NTNG1: variants seen among roughly 807,000 people sequenced by gnomAD.
NTNG1 encodes the protein netrin G1.
NTNG1 carries 16 observed loss-of-function variants against 54.0 expected under a neutral mutation model. The observed-to-expected ratio is 0.30, with a 90% CI of 0.20 to 0.45. The LOEUF (loss-of-function observed/expected upper bound fraction) is 0.45, where lower values mean the gene tolerates loss of function less well. NTNG1 is among the 20% of genes least tolerant of loss of function. The pLI, the probability that NTNG1 is intolerant of heterozygous loss-of-function variation, is 1.00. For synonymous variants in NTNG1, 255 were observed against 263.1 expected (o/e 0.97, Z 0.30); for missense variants, 530 against 678.7 (o/e 0.78, Z 2.43).
chr1:107,395,069 G>C lies in NTNG1; in HGVS notation c.888-85G>C. The stretch of plus-strand genomic sequence containing the variant: ...CTGTGTATCACTAAAGCACTGCATG[G>C]TTTGAGGAGACAAATCAGGGAAGCC... On this transcript the variant is annotated intron_variant, in intron 3 of 7. Transcript: ENST00000370068. The C allele has an allele frequency of 7.6e-6, 8 of 1,050,768 alleles. No individual in the cohort carries two copies. The South Asian group carries it at 1.2e-4, about 15-fold the overall frequency. The allele number at this position is 1,050,768 out of a possible 1,614,324, so 65.1% of individuals were successfully genotyped here.
chr1:107,215,119 A>G (rs1659867327), intron 2 of NTNG1, among the ~76,000 whole-genome samples: 1 of 152,130 alleles, frequency 6.6e-6, no homozygotes, highest in Non-Finnish European at 1.5e-5. Context: ...TGCTGTGCAG[A>G]AGCTTTTTAG....
chr1:107,260,189 T>C (rs1295539390), intron 2 of NTNG1, among the ~76,000 whole-genome samples: 1 of 152,234 alleles, frequency 6.6e-6, no homozygotes, highest in African/African-American at 2.4e-5. Flanking sequence ...GATAACATCA[T>C]ATAAAGATGA....
At chr1:107,363,009 C>A (rs1557934256) in intron 3 of NTNG1, among the ~76,000 whole-genome samples, 1 of 152,152 alleles carries the variant, frequency 6.6e-6, no homozygotes, top group Non-Finnish European at 1.5e-5. Context: ...ATACAGAAGG[C>A]TGGCTGACTG....
intron 2 of NTNG1, among the ~76,000 whole-genome samples, chr1:107,188,339 G>T (rs1657628730): frequency 6.6e-6 from 1 of 152,090 alleles, no homozygotes; most frequent in South Asian, 2.1e-4. Flanking sequence ...CATGGCCAGG[G>T]TGTAATGTGT....
At position 107,164,653 on chromosome 1, in the gene NTNG1, T is replaced by C. The variant is rs371420307; in HGVS notation, c.246+15814T>C. Among the ~76,000 whole-genome samples the C allele has an allele frequency of 9.8e-5, 15 of 152,300 alleles. No individual in the cohort carries two copies. The East Asian group carries it at 2.9e-3, about 29-fold the overall frequency. ...GTATGTAATCTTAATGCTGGTGATGTCAGGAAAGTAAAGACCATTGTTCTT... is the reference window on the plus strand; with the variant it reads ...GTATGTAATCTTAATGCTGGTGATGCCAGGAAAGTAAAGACCATTGTTCTT... On this transcript the variant is annotated intron_variant, in intron 2 of 7. Transcript: ENST00000370068.
intron 5 of NTNG1, among the ~76,000 whole-genome samples, chr1:107,423,218 A>G (rs904018132): frequency 1.1e-4 from 17 of 152,112 alleles, no homozygotes; most frequent in Admixed American, 9.8e-4. Context: ...TTACACATAT[A>G]TAGTATTTTT....
intron 3 of NTNG1, among the ~76,000 whole-genome samples, chr1:107,332,181 T>C (rs573966512): frequency 3.0e-4 from 45 of 152,154 alleles, no homozygotes; most frequent in African/African-American, 1.1e-3. Flanking sequence ...TCCTCTGAGG[T>C]TTGTACTATT....
intron 3 of NTNG1, among the ~76,000 whole-genome samples, chr1:107,383,513 G>A (rs901128432): frequency 2.0e-5 from 3 of 152,186 alleles, no homozygotes; most frequent in Admixed American, 1.3e-4. Context: ...ATAGAAGTTG[G>A]TTACCATAAA....
At chr1:107,375,688 C>T (rs111524693) in intron 3 of NTNG1, among the ~76,000 whole-genome samples, 6 of 152,222 alleles carry the variant, frequency 3.9e-5, no homozygotes, top group African/African-American at 1.4e-4. Flanking sequence ...ACAATGAAAC[C>T]CACTTTAGTG....
chr1:107,249,761 T>C (rs1662466168), intron 2 of NTNG1, among the ~76,000 whole-genome samples: 1 of 152,194 alleles, frequency 6.6e-6, no homozygotes, highest in African/African-American at 2.4e-5. Context: ...TTTTACAAAT[T>C]TGCATGACTA....
intron 3 of NTNG1, among the ~76,000 whole-genome samples, chr1:107,380,204 T>A (rs1423261079): frequency 1.3e-5 from 2 of 152,222 alleles, no homozygotes; most frequent in Non-Finnish European, 2.9e-5. Flanking sequence ...TTTTTTTCCA[T>A]CAAATGATTT....
At chr1:107,438,187 A>G (rs927598531) in intron 7 of NTNG1, among the ~76,000 whole-genome samples, 1 of 152,162 alleles carries the variant, frequency 6.6e-6, no homozygotes, top group Non-Finnish European at 1.5e-5. Context: ...GTGAAATGCC[A>G]TGGGCAGCAA....
chr1:107,205,125 C>T (rs1659078302), intron 2 of NTNG1, among the ~76,000 whole-genome samples: 1 of 152,138 alleles, frequency 6.6e-6, no homozygotes, highest in Non-Finnish European at 1.5e-5. Context: ...TCACACTCAA[C>T]CTCCAAAAAT....
chr1:107,372,310 T>G (rs771335328), intron 3 of NTNG1, among the ~76,000 whole-genome samples: 7 of 152,022 alleles, frequency 4.6e-5, no homozygotes, highest in Non-Finnish European at 7.4e-5. Context: ...AATATTGGAA[T>G]TTAGTGCTAT....
chr1:107,334,643 T>C (rs184375382), intron 3 of NTNG1, among the ~76,000 whole-genome samples: 41 of 152,048 alleles, frequency 2.7e-4, no homozygotes, highest in African/African-American at 8.9e-4. Flanking sequence ...TAATTTAATC[T>C]AACTCCTTTT....
intron 7 of NTNG1, among the ~76,000 whole-genome samples, chr1:107,447,750 A>C (rs1262777040): frequency 6.6e-6 from 1 of 152,078 alleles, no homozygotes; most frequent in African/African-American, 2.4e-5. Context: ...ACTCTACAGA[A>C]AACTATGCCT....
At chr1:107,173,775 G>A in intron 2 of NTNG1, among the ~76,000 whole-genome samples, 1 of 137,598 alleles carries the variant, frequency 7.3e-6, no homozygotes, top group East Asian at 2.1e-4. Flanking sequence ...CAATTCTAAA[G>A]AATGAAATGA....
chr1:107,194,534 C>T (rs777898518), intron 2 of NTNG1, among the ~76,000 whole-genome samples: 2 of 151,986 alleles, frequency 1.3e-5, no homozygotes, highest in African/African-American at 4.8e-5. Flanking sequence ...AAAGAGACAG[C>T]CCCAGTTACT....
At chr1:107,144,621 T>C (rs1653976237) in intron 1 of NTNG1, among the ~76,000 whole-genome samples, 1 of 152,038 alleles carries the variant, frequency 6.6e-6, no homozygotes, top group South Asian at 2.1e-4. Context: ...GAAAATGGCT[T>C]CTGCAAAATT....
Sources: allele counts gnomAD v4.1 joint callset (sites outside exome capture counted in the v4.1 genomes callset), GRCh38; gene constraint gnomAD v4.1.1; transcripts MANE v1.5; gene names NCBI Gene and HGNC (gene_info 2026-07-23, HGNC 2026-07-21).